Variants in GSTA4 observed in about 807,000 individuals in gnomAD.
The protein encoded by GSTA4 is glutathione S-transferase alpha 4, also known as glutathione S-transferase A4.
GSTA4 carries 15 observed loss-of-function variants against 24.4 expected under a neutral mutation model. The ratio of observed to expected loss-of-function variants is 0.61; its 90% CI spans 0.41 to 0.95. The LOEUF (loss-of-function observed/expected upper bound fraction) is 0.95, where lower values mean the gene tolerates loss of function less well. Ranked by LOEUF, GSTA4 falls within the 40% of genes least tolerant of loss-of-function variation. The pLI is 0.00. For synonymous variants in GSTA4, 92 were observed against 94.2 expected (o/e 0.98, Z 0.13); for missense variants, 244 against 262.1 (o/e 0.93, Z 0.48).
intron 1 of GSTA4, 149 bp from the exon 2 acceptor site, chr6:52,994,410 A>G: frequency 1.8e-6 from 1 of 550,170 alleles, no homozygotes; most frequent in South Asian, 2.7e-5. Flanking sequence ...CACTCAAGAA[A>G]AAAAAACCAC....
At position 52,978,557 on chromosome 6, in the gene GSTA4, A is replaced by C. The variant is rs1448698917; in HGVS notation, c.582T>G (p.Ile194Met). The change falls in exon 7 of 7, where the codon ATT becomes ATG. Residue 194 changes from isoleucine to methionine, a missense_variant. Ile to Met is a conservative substitution (Grantham distance 10). Coordinates refer to ENST00000370963, the MANE Select transcript of GSTA4 (RefSeq NM_001512.4). ...YTVKLSNIPT[I>M]KRFLEPGSKK... The stretch of plus-strand genomic sequence containing the variant: ...TGCTGCCAGGTTCAAGGAATCTCTT[A>C]ATTGTAGGGATATTACTTAGTTTCA... 6.2e-7 allele frequency: 1 copy of C among 1,611,414 alleles called. No homozygotes were observed.
Position 52,984,572 on chromosome 6 carries a change from C to G in GSTA4, c.306G>C (p.Leu102=). 1 of 1,613,456 alleles carries G rather than the reference C, an allele frequency of 6.2e-7. No individual in the cohort carries two copies. The highest frequency in any genetic ancestry group is 8.5e-7 in the Non-Finnish European group (1 of 1,179,484). ...IDMYVEGTLD[L]LELLIMHPFL... ...AAGGATGCATGATAAGCAGTTCCAGCAGATCCAGTGTCCCCTCCACGTACA... is the reference window on the plus strand; with the variant it reads ...AAGGATGCATGATAAGCAGTTCCAGGAGATCCAGTGTCCCCTCCACGTACA... Residue 102 remains leucine (L), a synonymous_variant, in exon 5 of 7, where the codon CTG becomes CTC. Transcript: ENST00000370963.
intron 6 of GSTA4, among the ~76,000 whole-genome samples, chr6:52,979,675 T>C (rs1304695013): frequency 9.3e-6 from 1 of 107,380 alleles, no homozygotes; most frequent in Non-Finnish European, 2.2e-5. Flanking sequence ...GAAGAGGTCA[T>C]TTTAAATAGC....
At chr6:52,987,506 C>T (rs777913160) in intron 2 of GSTA4, 98 bp from the exon 3 acceptor site, 9 of 685,758 alleles carry the variant, frequency 1.3e-5, no homozygotes, top group Non-Finnish European at 2.3e-5. Flanking sequence ...CCAACAGAAA[C>T]AGAGGTCATT....
Position 52,985,462 on chromosome 6 carries a change from C to T in GSTA4, c.261G>A (p.Lys87=), listed in dbSNP as rs1335178132. 6.2e-7 allele frequency: 1 copy of T among 1,613,902 alleles called. No homozygotes were observed. The highest frequency in any genetic ancestry group is 8.5e-7 in the Non-Finnish European group (1 of 1,179,936). Residue 87 remains lysine, a synonymous_variant, in exon 4 of 7, where the codon AAG becomes AAA. Coordinates refer to ENST00000370963, the MANE Select transcript of GSTA4 (RefSeq NM_001512.4). ...AGGGGCCACAGTACAGGGTTCTCTC[C>T]TTGAGGTTCTTGCCAAAGAGATTGT... The part of the protein sequence containing the change: ...DKHNLFGKNL[K]ERTLIDMYVE...
At chr6:52,991,500 T>A (rs1763660770) in intron 2 of GSTA4, among the ~76,000 whole-genome samples, 1 of 151,852 alleles carries the variant, frequency 6.6e-6, no homozygotes, top group Admixed American at 6.6e-5. Context: ...AAAAAAAAAG[T>A]TAAAGAGAAA....
rs892116634 is a variant in GSTA4 at position 52,979,888 on chromosome 6, T to C, written c.547-1296A>G. ...TATTATACCAAAATTTAGAATCTTGTTCCAAATGATGTATTGTTTCAAGAT... is the reference window on the plus strand; with the variant it reads ...TATTATACCAAAATTTAGAATCTTGCTCCAAATGATGTATTGTTTCAAGAT... On this transcript the variant is annotated intron_variant, in intron 6 of 6. Transcript: ENST00000370963. 3.3e-5 allele frequency among the ~76,000 whole-genome samples: 5 copies of C among 152,242 alleles called. No individual in the cohort carries two copies. In the South Asian group the frequency reaches 1.0e-3, roughly 31 times the overall value.
At chr6:52,986,036 G>C (rs1763548994) in intron 3 of GSTA4, among the ~76,000 whole-genome samples, 1 of 151,688 alleles carries the variant, frequency 6.6e-6, no homozygotes, top group Non-Finnish European at 1.5e-5. Flanking sequence ...AACAGAGCAA[G>C]ACTCTACCTC....
intron 5 of GSTA4, 119 bp downstream of exon 5, chr6:52,984,345 T>C: frequency 1.1e-6 from 1 of 894,106 alleles, no homozygotes; most frequent in Non-Finnish European, 1.7e-6. Flanking sequence ...CCATTAGCGC[T>C]TAGGTTAGTT....
rs2127389107 is a variant in GSTA4, at chr6:52,994,267, A to G, written c.-18-6T>C. The G allele has an allele frequency of 6.6e-7, 1 of 1,504,784 alleles. No individual in the cohort carries two copies. Among genetic ancestry groups the G allele is most frequent in the Non-Finnish European group, 9.2e-7 (1 of 1,081,242 alleles). 93.2% of individuals were successfully genotyped at this position (1,504,784 alleles called of 1,614,324 possible). On this transcript the variant is annotated splice_polypyrimidine_tract_variant and splice_region_variant and intron_variant, in intron 1 of 6. Transcript: ENST00000370963. ...ATGATAGCTTTTCAGGCTTTCTGAA[A>G]TACAAATGCAGCAGCTCGTCGCAGA...
chr6:52,988,096 T>C (rs1719286609), intron 2 of GSTA4: 1 of 152,142 alleles, frequency 6.6e-6, no homozygotes, highest in African/African-American at 2.4e-5. Flanking sequence ...AGGGGTCCTA[T>C]AAGAGAAGGT....
rs572676082 is a variant in GSTA4, at chr6:52,994,224, A to G, written c.20T>C (p.Leu7Pro). Residue 7 changes from leucine (L) to proline (P), a missense_variant, in exon 2 of 7, where the codon CTC (leucine) becomes CCC (proline). By Grantham distance (98) the Leu-to-Pro change is moderately conservative (BLOSUM62 -3). Coordinates refer to ENST00000370963, the MANE Select transcript of GSTA4 (RefSeq NM_001512.4). ...CCGGCCTCTTCCGTTGGGATAGTGG[A>G]GCTTGGGCCTTGCTGCCATGATAGC... The part of the protein sequence containing the change: MAARPK[L>P]HYPNGRGRME... The G allele has an allele frequency of 8.7e-6, 14 of 1,612,988 alleles. No individual in the cohort carries two copies. The South Asian group carries it at 1.5e-4, about 18-fold the overall frequency.
chr6:52,985,749 A>G (rs1399725429), intron 3 of GSTA4, among the ~76,000 whole-genome samples, 166 bp from the exon 4 acceptor site: 1 of 152,226 alleles, frequency 6.6e-6, no homozygotes, highest in Non-Finnish European at 1.5e-5. Context: ...GAGCAGATTT[A>G]GCCACAAAAG....
At chr6:52,983,028 C>G (rs1204114571) in intron 5 of GSTA4, among the ~76,000 whole-genome samples, 1 of 152,060 alleles carries the variant, frequency 6.6e-6, no homozygotes, top group East Asian at 1.9e-4. Context: ...GATTTAGCAT[C>G]TGGTGTTTTG....
At chr6:52,980,264 T>C (rs980429157) in intron 6 of GSTA4, among the ~76,000 whole-genome samples, 1 of 152,116 alleles carries the variant, frequency 6.6e-6, no homozygotes, top group Non-Finnish European at 1.5e-5. Context: ...TGTGTCTATG[T>C]GTACACAAGC....
At chr6:52,981,854 G>A (rs1035924736) in intron 6 of GSTA4, among the ~76,000 whole-genome samples, 5 of 152,114 alleles carry the variant, frequency 3.3e-5, no homozygotes, top group African/African-American at 4.8e-5. Flanking sequence ...CTCCTTTAAA[G>A]TTCTATGATC....
chr6:52,984,532 C>A lies in GSTA4; in HGVS notation c.346G>T (p.Asp116Tyr), dbSNP rs1344189236. The A allele has an allele frequency of 1.2e-6, 2 of 1,613,488 alleles. No individual in the cohort carries two copies. Among genetic ancestry groups the A allele is most frequent in the Admixed American group, 3.3e-5 (2 of 59,996 alleles). Residue 116 changes from aspartate (D) to tyrosine (Y), a missense_variant, in exon 5 of 7, where the codon GAT becomes TAT. Physicochemically the swap from Asp to Tyr is radical, Grantham distance 160. Coordinates refer to ENST00000370963, the MANE Select transcript of GSTA4 (RefSeq NM_001512.4). ...ATGTTAACCACTTCCTTTTGCTGAT[C>A]ATCTGGTTTTAAGAAAGGATGCATG... is the stretch of plus-strand genomic sequence containing the variant. ...LIMHPFLKPD[D>Y]QQKEVVNMAQ...
chr6:52,982,627 A>C lies in GSTA4; in HGVS notation c.493T>G (p.Leu165Val). 6.2e-7 allele frequency: 1 copy of C among 1,610,364 alleles called. No individual in the cohort carries two copies. The highest frequency in any genetic ancestry group is 8.5e-7 in the Non-Finnish European group (1 of 1,176,656). Residue 165 changes from leucine to valine, a missense_variant, in exon 6 of 7, where the codon TTA becomes GTA. Transcript: ENST00000370963. ...LADVILLQTI[L>V]ALEEKIPNIL... ...TTAGGAATTTTCTCTTCTAGAGCTA[A>C]AATGGTTTGGAGTAAAATCACATCT...
chr6:52,993,406 A>AAAAC (rs747097575), intron 2 of GSTA4, among the ~76,000 whole-genome samples: 7 of 152,232 alleles, frequency 4.6e-5, no homozygotes, highest in Non-Finnish European at 1.0e-4. Flanking sequence ...ACAAACTATA[A>AAAAC]AAACAAACAA....
Sources: gnomAD v4.1 joint callset for allele counts (sites outside exome capture counted in the v4.1 genomes callset) on GRCh38, gnomAD v4.1.1 for gene constraint, MANE v1.5 for transcripts, NCBI Gene and HGNC (gene_info 2026-07-23, HGNC 2026-07-21) for gene names.